TRDN: variants seen among roughly 807,000 people sequenced by gnomAD.
TRDN encodes triadin in skeletal muscle.
Under a neutral mutation model 149.7 loss-of-function variants are expected in TRDN, and 161 were observed. The ratio of observed to expected loss-of-function variants is 1.08; its 90% CI spans 0.95 to 1.23. The LOEUF is 1.23. TRDN is among the 50% of genes most tolerant of loss of function. The pLI, the probability that TRDN is intolerant of heterozygous loss-of-function variation, is 0.00. For missense variants in TRDN, 896 were observed against 823.5 expected (o/e 1.09, Z -1.08); for synonymous variants, 294 against 250.5 (o/e 1.17, Z -1.64).
chr6:123,514,949 G>A (rs898869942), intron 6 of TRDN, among the ~76,000 whole-genome samples: 31 of 151,960 alleles, frequency 2.0e-4, no homozygotes, highest in Middle Eastern at 3.4e-3. Flanking sequence ...CAAGGGGAGG[G>A]AGAGCATTAG....
intron 5 of TRDN, among the ~76,000 whole-genome samples, chr6:123,526,487 T>C (rs914140810): frequency 1.3e-5 from 2 of 152,044 alleles, no homozygotes; most frequent in Admixed American, 1.3e-4. Context: ...AAAAGCCACA[T>C]GTTCTTACGT....
chr6:123,324,388 G>C lies in TRDN; in HGVS notation c.1471+7491C>G, dbSNP rs117335032. ...CCAGGTACTCAGGAGGCTGAGGCAGGAGGAGCTCTTGAGCCCAGGAGTTTG... is the reference window on the plus strand; with the variant it reads ...CCAGGTACTCAGGAGGCTGAGGCAGCAGGAGCTCTTGAGCCCAGGAGTTTG... On this transcript the variant is annotated intron_variant, in intron 23 of 40. Coordinates refer to ENST00000334268, the MANE Select transcript of TRDN (RefSeq NM_006073.4). 5.7e-3 allele frequency among the ~76,000 whole-genome samples: 862 copies of C among 152,180 alleles called. 27 individuals are homozygous for C. In the East Asian group the frequency reaches 0.062, roughly 11 times the overall value.
intron 2 of TRDN, among the ~76,000 whole-genome samples, chr6:123,561,153 AC>A: frequency 6.6e-6 from 1 of 152,156 alleles, no homozygotes. Flanking sequence ...CTTCTGTGAG[AC>A]ATAATTCCTC....
intron 1 of TRDN, among the ~76,000 whole-genome samples, chr6:123,593,054 C>G (rs530638973): frequency 6.6e-6 from 1 of 152,122 alleles, no homozygotes; most frequent in South Asian, 2.1e-4. Context: ...CATGTTACTT[C>G]TAATTAAACA....
chr6:123,473,960 G>T (rs570360071), intron 9 of TRDN, among the ~76,000 whole-genome samples: 1 of 152,000 alleles, frequency 6.6e-6, no homozygotes, highest in South Asian at 2.1e-4. Context: ...AATATGGAAA[G>T]GAACAACCAG....
chr6:123,496,830 T>C (rs1047883523), intron 9 of TRDN, among the ~76,000 whole-genome samples: 3 of 151,740 alleles, frequency 2.0e-5, no homozygotes, highest in Non-Finnish European at 4.4e-5. Flanking sequence ...TGTTCACTAC[T>C]AAGAAAAGAA....
intron 1 of TRDN, among the ~76,000 whole-genome samples, chr6:123,571,450 T>A (rs1484746070): frequency 6.9e-6 from 1 of 145,632 alleles, no homozygotes; most frequent in Non-Finnish European, 1.5e-5. Context: ...AATTGTATAA[T>A]TGACCCATCT....
intron 10 of TRDN, among the ~76,000 whole-genome samples, chr6:123,462,528 C>T (rs1687799364): frequency 6.6e-6 from 1 of 151,976 alleles, no homozygotes; most frequent in African/African-American, 2.4e-5. Context: ...TGTTTCTAGT[C>T]TCCTGTGAAC....
chr6:123,388,768 A>C (rs1164199397), intron 13 of TRDN, among the ~76,000 whole-genome samples: 1 of 152,194 alleles, frequency 6.6e-6, no homozygotes, highest in Non-Finnish European at 1.5e-5. Flanking sequence ...GAAGAAAAAA[A>C]TATATGGAGT....
chr6:123,562,216 A>T (rs751226122), intron 2 of TRDN, among the ~76,000 whole-genome samples: 11 of 151,926 alleles, frequency 7.2e-5, no homozygotes, highest in Non-Finnish European at 1.6e-4. Flanking sequence ...CCCGAATCTT[A>T]TAAAATGGCC....
intron 1 of TRDN, among the ~76,000 whole-genome samples, chr6:123,594,965 A>G (rs150397602): frequency 2.9e-3 from 434 of 152,168 alleles, no homozygotes; most frequent in African/African-American, 0.01. Context: ...TCCACCCAGA[A>G]TATGCCTCTG....
intron 5 of TRDN, among the ~76,000 whole-genome samples, chr6:123,522,231 C>G (rs953114713): frequency 1.3e-5 from 2 of 152,212 alleles, no homozygotes; most frequent in Admixed American, 1.3e-4. Flanking sequence ...ACCGGGCCAT[C>G]CTATTGTCTA....
intron 12 of TRDN, among the ~76,000 whole-genome samples, chr6:123,402,170 A>T (rs1162292754): frequency 1.3e-5 from 2 of 152,180 alleles, no homozygotes; most frequent in African/African-American, 4.8e-5. Flanking sequence ...GTTCCTACAT[A>T]ATGAACTGCA....
chr6:123,497,138 A>G (rs1778483760), intron 9 of TRDN, 55 bp downstream of exon 9: 1 of 1,387,204 alleles, frequency 7.2e-7, no homozygotes, highest in South Asian at 1.4e-5. Flanking sequence ...AAAAGCCCAC[A>G]ATCTTAGAAA....
At chr6:123,261,170 A>G in intron 33 of TRDN, among the ~76,000 whole-genome samples, 1 of 151,866 alleles carries the variant, frequency 6.6e-6, no homozygotes, top group Non-Finnish European at 1.5e-5. Flanking sequence ...CGATATAATT[A>G]ATGAATTCTA....
At chr6:123,624,416 G>A (rs1193388370) in intron 1 of TRDN, among the ~76,000 whole-genome samples, 1 of 152,054 alleles carries the variant, frequency 6.6e-6, no homozygotes, top group Non-Finnish European at 1.5e-5. Flanking sequence ...AAATTTTCCG[G>A]AAACTGTCAG....
intron 10 of TRDN, chr6:123,464,376 T>C: frequency 1.0e-6 from 1 of 973,742 alleles, no homozygotes; most frequent in Non-Finnish European, 1.2e-6. Flanking sequence ...AAAACAGTAT[T>C]TGTGTGTGTG....
Position 123,266,205 on chromosome 6 carries a change from TTA to T in TRDN, c.1784-869_1784-868del, listed in dbSNP as rs1180213062. ...TATATATTATAATATGTATTATATA[TTA>T]TATATATTATAATATGTATTATATA... On this transcript the variant is annotated intron_variant, in intron 32 of 40. Transcript: ENST00000334268. Among the ~76,000 whole-genome samples, 58 of 71,868 alleles carry T rather than the reference TTA, an allele frequency of 8.1e-4. 2 individuals are homozygous for T. The highest frequency in any genetic ancestry group is 3.1e-3 in the African/African-American group (54 of 17,618). 47.1% of individuals were successfully genotyped at this position (71,868 alleles called of 152,430 possible).
At chr6:123,502,076 A>G in intron 8 of TRDN, 2 of 984,112 alleles carry the variant, frequency 2.0e-6, no homozygotes, top group Non-Finnish European at 2.4e-6. Flanking sequence ...CTCTGTATTT[A>G]TGGTTAAAAA....
Sources: gnomAD v4.1 joint callset for allele counts (sites outside exome capture counted in the v4.1 genomes callset) on GRCh38, gnomAD v4.1.1 for gene constraint, MANE v1.5 for transcripts, NCBI Gene and HGNC (gene_info 2026-07-23, HGNC 2026-07-21) for gene names.